ARFGAP3: variants seen among roughly 807,000 people sequenced by gnomAD.
ARFGAP3 encodes ADP-ribosylation factor GTPase-activating protein 3.
In ARFGAP3, 72 loss-of-function variants were observed where a neutral mutation model predicts 75.0. The ratio of observed to expected loss-of-function variants is 0.96; its 90% CI spans 0.79 to 1.17. The LOEUF is 1.17. Among genes scored for constraint, ARFGAP3 ranks in the 50% most tolerant of loss-of-function variants. The pLI is 0.00. For synonymous variants in ARFGAP3, 221 were observed against 217.9 expected, an observed-to-expected ratio of 1.01 and a Z score of -0.13; for missense variants, 620 against 626.6, an observed-to-expected ratio of 0.99 and a Z score of 0.11.
chr22:42,811,735 G>A (rs775628420), intron 11 of ARFGAP3, among the ~76,000 whole-genome samples: 6 of 152,228 alleles, frequency 3.9e-5, no homozygotes, highest in Non-Finnish European at 8.8e-5. Flanking sequence ...AATTGTCACT[G>A]AGCAGGGCAT....
chr22:42,806,945 T>C, intron 14 of ARFGAP3, 128 bp downstream of exon 14: 2 of 951,810 alleles, frequency 2.1e-6, no homozygotes, highest in Non-Finnish European at 3.0e-6. Context: ...CTACCTGACT[T>C]ATAGCAGAGA....
At chr22:42,846,955 G>A (rs990576383) in intron 2 of ARFGAP3, among the ~76,000 whole-genome samples, 2 of 152,202 alleles carry the variant, frequency 1.3e-5, no homozygotes, top group African/African-American at 4.8e-5. Flanking sequence ...GCTACATCTG[G>A]TAAGAACCTT....
intron 11 of ARFGAP3, 124 bp from the exon 12 acceptor site, chr22:42,811,068 T>G: frequency 1.3e-5 from 18 of 1,437,242 alleles, no homozygotes; most frequent in Non-Finnish European, 1.6e-5. Context: ...TAACTAGGTC[T>G]AGCCAATGAG....
At position 42,822,260 on chromosome 22, in the gene ARFGAP3, T is replaced by C. The variant is rs755079204; in HGVS notation, c.812+10A>G. 70 of 1,601,256 alleles carry C rather than the reference T, an allele frequency of 4.4e-5. No homozygotes were observed. Among genetic ancestry groups the C allele is most frequent in the Non-Finnish European group, 5.5e-5 (65 of 1,172,116 alleles). On this transcript the variant is annotated intron_variant, in intron 9 of 15. Coordinates refer to ENST00000263245, the MANE Select transcript of ARFGAP3 (RefSeq NM_014570.5). ...CTGAAAATGTATTAATATAATGAAA[T>C]TAAACTTACATTGATTCTTCTTTAG...
At chr22:42,848,581 T>C (rs1251567652) in intron 1 of ARFGAP3, among the ~76,000 whole-genome samples, 1 of 152,216 alleles carries the variant, frequency 6.6e-6, no homozygotes, top group Non-Finnish European at 1.5e-5. Context: ...ATCTCAAACA[T>C]GCCTTATCCT....
chr22:42,817,184 T>C lies in ARFGAP3; in HGVS notation c.1022A>G (p.Tyr341Cys), dbSNP rs772971378. 1.2e-6 allele frequency: 2 copies of C among 1,613,702 alleles called. No homozygotes were observed. The highest frequency in any genetic ancestry group is 8.5e-7 in the Non-Finnish European group (1 of 1,179,748). ...SPIMAKPRKK[Y>C]NDDSDDSYFT... ...ATATGAATCGTCACTGTCATCATTA[T>C]ACTTTTTTCTTGGTTTTGCCATAAT... Residue 341 changes from tyrosine (Y) to cysteine (C), a missense_variant, in exon 11 of 16, where the codon TAT becomes TGT. Tyr to Cys is a radical substitution (Grantham distance 194). Coordinates refer to ENST00000263245, the MANE Select transcript of ARFGAP3 (RefSeq NM_014570.5).
intron 7 of ARFGAP3, among the ~76,000 whole-genome samples, chr22:42,826,383 CT>C (rs113925697): frequency 4.1e-3 from 587 of 141,728 alleles, no homozygotes; most frequent in Non-Finnish European, 4.3e-3. Context: ...CACATTGCTG[CT>C]TTTTTTTTTT....
intron 11 of ARFGAP3, among the ~76,000 whole-genome samples, chr22:42,814,287 G>C (rs1925487923): frequency 6.6e-6 from 1 of 152,140 alleles, no homozygotes; most frequent in South Asian, 2.1e-4. Flanking sequence ...TAATATATTT[G>C]CTTTCAGAGT....
chr22:42,821,535 A>G (rs533444944), intron 9 of ARFGAP3, among the ~76,000 whole-genome samples: 1 of 152,334 alleles, frequency 6.6e-6, no homozygotes, highest in African/African-American at 2.4e-5. Context: ...AGGTTTATCC[A>G]TGTTGTGGCC....
intron 2 of ARFGAP3, among the ~76,000 whole-genome samples, chr22:42,846,752 C>T (rs939165090): frequency 6.6e-6 from 1 of 152,216 alleles, no homozygotes; most frequent in Non-Finnish European, 1.5e-5. Flanking sequence ...CTTTGGAGGA[C>T]ATAGGACAGA....
intron 11 of ARFGAP3, among the ~76,000 whole-genome samples, chr22:42,815,049 T>C (rs1454294203): frequency 6.6e-6 from 1 of 152,228 alleles, no homozygotes. Flanking sequence ...AAACTTTCTT[T>C]ACCTTCCTAC....
intron 2 of ARFGAP3, among the ~76,000 whole-genome samples, chr22:42,843,528 C>A (rs910731066): frequency 6.6e-6 from 1 of 152,172 alleles, no homozygotes; most frequent in Non-Finnish European, 1.5e-5. Flanking sequence ...GCCACCATGC[C>A]CGGCCTTGTC....
At chr22:42,853,989 A>G (rs1235760632) in intron 1 of ARFGAP3, among the ~76,000 whole-genome samples, 1 of 152,234 alleles carries the variant, frequency 6.6e-6, no homozygotes, top group Admixed American at 6.5e-5. Flanking sequence ...ATTAAGTATG[A>G]CAGATAAGAA....
chr22:42,848,513 T>C (rs1467074143), intron 1 of ARFGAP3, among the ~76,000 whole-genome samples: 1 of 152,336 alleles, frequency 6.6e-6, no homozygotes, highest in African/African-American at 2.4e-5. Context: ...CGGGCTATCA[T>C]GTATATATTT....
At chr22:42,827,756 C>A (rs1926105624) in intron 6 of ARFGAP3, among the ~76,000 whole-genome samples, 1 of 152,232 alleles carries the variant, frequency 6.6e-6, no homozygotes, top group East Asian at 1.9e-4. Context: ...TTCTATTTTA[C>A]CTAAAAAGTG....
intron 13 of ARFGAP3, 141 bp downstream of exon 13, chr22:42,808,626 G>T: frequency 1.6e-6 from 1 of 620,802 alleles, no homozygotes; most frequent in Non-Finnish European, 2.8e-6. Flanking sequence ...CTGGGTTCAA[G>T]TCCTGACTCC....
chr22:42,832,543 A>T (rs1926342884), intron 5 of ARFGAP3, among the ~76,000 whole-genome samples: 1 of 151,982 alleles, frequency 6.6e-6, no homozygotes, highest in South Asian at 2.1e-4. Flanking sequence ...CAAAAAAAAA[A>T]AAAACGAAAG....
intron 12 of ARFGAP3, 65 bp downstream of exon 12, chr22:42,810,748 A>C: frequency 7.0e-7 from 1 of 1,418,540 alleles, no homozygotes; most frequent in Non-Finnish European, 9.8e-7. Flanking sequence ...TCATCATGTT[A>C]TCAGCAATTT....
intron 14 of ARFGAP3, among the ~76,000 whole-genome samples, chr22:42,805,916 C>T (rs1246285408): frequency 2.0e-5 from 3 of 152,242 alleles, no homozygotes; most frequent in African/African-American, 7.2e-5. Flanking sequence ...TCTCCCTCCA[C>T]TGCAGCACAG....
Sources: gnomAD v4.1 joint callset for allele counts (sites outside exome capture counted in the v4.1 genomes callset) on GRCh38, gnomAD v4.1.1 for gene constraint, MANE v1.5 for transcripts, NCBI Gene and HGNC (gene_info 2026-07-23, HGNC 2026-07-21) for gene names.